HSD17B14: variants seen among roughly 807,000 people sequenced by gnomAD.
The protein encoded by HSD17B14 is L-fucose dehydrogenase.
Under a neutral mutation model 32.2 loss-of-function variants are expected in HSD17B14, and 32 were observed. The ratio of observed to expected loss-of-function variants is 0.99; its 90% confidence interval spans 0.75 to 1.33. The LOEUF (loss-of-function observed/expected upper bound fraction) is 1.33, where lower values mean the gene tolerates loss of function less well. Among genes scored for constraint, HSD17B14 ranks in the 40% most tolerant of loss-of-function variants. The probability of loss-of-function intolerance (pLI) is 0.00; values close to 1 mark genes in which losing one functional copy is unlikely to be tolerated. For synonymous variants in HSD17B14, 140 were observed against 155.4 expected (o/e 0.90, Z 0.74); for missense variants, 370 against 366.5 (o/e 1.01, Z -0.08).
chr19:48,822,761 A>G (rs1568520092), intron 5 of HSD17B14, among the ~76,000 whole-genome samples: 1 of 148,556 alleles, frequency 6.7e-6, no homozygotes, highest in Non-Finnish European at 1.5e-5. Context: ...TGGTAATGAC[A>G]GTGTTGATGG....
At chr19:48,832,471 A>G (rs992886681) in intron 4 of HSD17B14, among the ~76,000 whole-genome samples, 195 bp downstream of exon 4, 15 of 152,180 alleles carry the variant, frequency 9.9e-5, no homozygotes, top group African/African-American at 3.4e-4. Context: ...GGGGACACAC[A>G]GGAGGGATGG....
At chr19:48,814,928 C>A in intron 6 of HSD17B14, 109 bp downstream of exon 6, 1 of 754,856 alleles carries the variant, frequency 1.3e-6, no homozygotes, top group Admixed American at 2.2e-5. Context: ...AGGTGTGAGA[C>A]TTTCTAGGGC....
intron 5 of HSD17B14, among the ~76,000 whole-genome samples, chr19:48,816,779 T>TTTTCTTTCTTTC (rs368394306): frequency 0.076 from 9,307 of 122,138 alleles, 504 homozygotes; most frequent in South Asian, 0.16. Flanking sequence ...GCAAGACCCT[T>TTTTCTTTCTTTC]TTTCTTTCTT....
At chr19:48,817,472 C>G (rs1211988458) in intron 5 of HSD17B14, among the ~76,000 whole-genome samples, 2 of 152,180 alleles carry the variant, frequency 1.3e-5, no homozygotes, top group Non-Finnish European at 2.9e-5. Flanking sequence ...AGCCACCACG[C>G]CTGGCCCCAA....
chr19:48,820,085 A>G (rs1183476277), intron 5 of HSD17B14, among the ~76,000 whole-genome samples: 2 of 152,154 alleles, frequency 1.3e-5, no homozygotes, highest in African/African-American at 2.4e-5. Context: ...TGAGCCTGGT[A>G]GGTCAGGGCT....
At chr19:48,835,340 G>T (rs1390975593) in intron 2 of HSD17B14, among the ~76,000 whole-genome samples, 2 of 84,014 alleles carry the variant, frequency 2.4e-5, no homozygotes, top group African/African-American at 1.0e-4. Context: ...GGGGCTGGGA[G>T]CCTGGACTCC....
intron 5 of HSD17B14, among the ~76,000 whole-genome samples, chr19:48,822,017 GGATGGTGAT>G (rs2035159563): frequency 7.6e-6 from 1 of 131,670 alleles, no homozygotes; most frequent in African/African-American, 2.9e-5. Flanking sequence ...ATACTGGTGA[GGATGGTGAT>G]GGTGGTGATG....
intron 5 of HSD17B14, among the ~76,000 whole-genome samples, chr19:48,829,508 C>T (rs897911709): frequency 6.6e-5 from 10 of 151,864 alleles, no homozygotes; most frequent in Non-Finnish European, 1.2e-4. Flanking sequence ...CCTGCCACCA[C>T]GCACAGCTAA....
At chr19:48,833,813 C>T (rs1031564749) in intron 3 of HSD17B14, among the ~76,000 whole-genome samples, 18 of 146,112 alleles carry the variant, frequency 1.2e-4, no homozygotes, top group South Asian at 8.6e-4. Context: ...GCAACAGGAG[C>T]GAAACTCTGT....
rs192095235 is a variant in HSD17B14 at position 48,832,652 on chromosome 19, G to A, written c.277+14C>T. The A allele has an allele frequency of 1.9e-6, 3 of 1,611,412 alleles. No individual in the cohort carries two copies. Among genetic ancestry groups the A allele is most frequent in the Middle Eastern group, 3.3e-4 (2 of 6,060 alleles). ...GCAGGAGGTGGAGAATGGCCCTGGGGTCTCACAACTCACGGTGGCCAGCGT... is the reference window on the plus strand; with the variant it reads ...GCAGGAGGTGGAGAATGGCCCTGGGATCTCACAACTCACGGTGGCCAGCGT... On this transcript the variant is annotated intron_variant, in intron 4 of 8. Transcript: ENST00000263278.
intron 5 of HSD17B14, among the ~76,000 whole-genome samples, chr19:48,827,648 C>T (rs2035272961): frequency 6.6e-6 from 1 of 151,666 alleles, no homozygotes; most frequent in South Asian, 2.1e-4. Flanking sequence ...AGCAATTCTC[C>T]TGCCTCAGCC....
intron 5 of HSD17B14, among the ~76,000 whole-genome samples, chr19:48,830,742 C>T (rs757715740): frequency 6.6e-6 from 1 of 152,058 alleles, no homozygotes; most frequent in Non-Finnish European, 1.5e-5. Flanking sequence ...AGGCTAGTCT[C>T]GAATTCCTGG....
chr19:48,819,579 G>A (rs1305565684), intron 5 of HSD17B14, among the ~76,000 whole-genome samples: 3 of 152,036 alleles, frequency 2.0e-5, no homozygotes, highest in East Asian at 1.9e-4. Context: ...ACCCTGTCTC[G>A]CTGCCAGGCC....
At chr19:48,828,821 G>A (rs1279150692) in intron 5 of HSD17B14, among the ~76,000 whole-genome samples, 1 of 151,910 alleles carries the variant, frequency 6.6e-6, no homozygotes, top group Non-Finnish European at 1.5e-5. Context: ...CAGCACTTTG[G>A]GAGGCTGAGG....
intron 4 of HSD17B14, 73 bp downstream of exon 4, chr19:48,832,593 G>T: frequency 7.6e-7 from 1 of 1,317,036 alleles, no homozygotes; most frequent in Non-Finnish European, 1.1e-6. Context: ...GGCAGGGAGT[G>T]GGGAAACTGA....
rs889288179 is a variant in HSD17B14, at chr19:48,814,239, G to T, written c.475-509C>A. On this transcript the variant is annotated intron_variant, in intron 6 of 8. Coordinates refer to ENST00000263278, the MANE Select transcript of HSD17B14 (RefSeq NM_016246.3). Reference sequence around the variant, plus strand: ...AAAAGAAAAGAAAAAAAGAAAGTTAGCCGGGCACAGTGGCTCATGCCTGTA... The same window carrying T: ...AAAAGAAAAGAAAAAAAGAAAGTTATCCGGGCACAGTGGCTCATGCCTGTA... 7.3e-5 allele frequency among the ~76,000 whole-genome samples: 11 copies of T among 151,346 alleles called. No individual in the cohort carries two copies. The East Asian group carries it at 2.1e-3, about 29-fold the overall frequency.
intron 1 of HSD17B14, 47 bp downstream of exon 1, chr19:48,836,277 C>G (rs1179848647): frequency 1.9e-6 from 3 of 1,580,148 alleles, no homozygotes; most frequent in Non-Finnish European, 2.6e-6. Flanking sequence ...CGCCCCCATC[C>G]TTCCTTTCTC....
chr19:48,833,859 G>T (rs180936907), intron 3 of HSD17B14, among the ~76,000 whole-genome samples: 2 of 148,062 alleles, frequency 1.4e-5, no homozygotes, highest in South Asian at 4.3e-4. Context: ...GCATGGTGGC[G>T]CACACCTGTA....
At chr19:48,825,450 G>C (rs2122773325) in intron 5 of HSD17B14, among the ~76,000 whole-genome samples, 1 of 151,992 alleles carries the variant, frequency 6.6e-6, no homozygotes, top group Admixed American at 6.6e-5. Context: ...TGCGACTACA[G>C]ATGTGTGCCA....
Sources: allele counts gnomAD v4.1 joint callset (sites outside exome capture counted in the v4.1 genomes callset), GRCh38; gene constraint gnomAD v4.1.1; transcripts MANE v1.5; gene names NCBI Gene and HGNC (gene_info 2026-07-23, HGNC 2026-07-21).